FHIT: variants seen among roughly 807,000 people sequenced by gnomAD.
FHIT encodes bis(5'-adenosyl)-triphosphatase.
In FHIT, 19 loss-of-function variants were observed where a neutral mutation model predicts 17.9. The ratio of observed to expected loss-of-function variants is 1.06; its 90% CI spans 0.74 to 1.56. FHIT has a LOEUF of 1.56. FHIT is among the 40% of genes most tolerant of loss of function. FHIT has a pLI of 0.00. For synonymous variants in FHIT, 81 were observed against 69.7 expected (o/e 1.16, Z -0.81); for missense variants, 248 against 189.2 (o/e 1.31, Z -1.82).
At chr3:60,566,790 T>C (rs1030046187) in intron 4 of FHIT, among the ~76,000 whole-genome samples, 3 of 151,180 alleles carry the variant, frequency 2.0e-5, no homozygotes, top group African/African-American at 7.3e-5. Flanking sequence ...TGTGCAAAAA[T>C]CACAAGCATT....
intron 3 of FHIT, among the ~76,000 whole-genome samples, chr3:60,864,404 C>A (rs1057128735): frequency 2.6e-5 from 4 of 152,062 alleles, no homozygotes; most frequent in Admixed American, 6.6e-5. Context: ...ACTTTAGAGC[C>A]CATGGTTTTA....
intron 5 of FHIT, among the ~76,000 whole-genome samples, chr3:60,199,695 T>C (rs561508118): frequency 4.8e-4 from 73 of 152,132 alleles, no homozygotes; most frequent in Non-Finnish European, 1.0e-4. Context: ...ATATTTAAAT[T>C]TCCAGAACAT....
chr3:60,572,081 T>A (rs528401625), intron 4 of FHIT, among the ~76,000 whole-genome samples: 1 of 152,198 alleles, frequency 6.6e-6, no homozygotes, highest in Non-Finnish European at 1.5e-5. Context: ...TTAGAGTCAA[T>A]AGATTCTAAA....
At chr3:60,582,483 A>C (rs2037778789) in intron 4 of FHIT, among the ~76,000 whole-genome samples, 1 of 152,100 alleles carries the variant, frequency 6.6e-6, no homozygotes, top group Non-Finnish European at 1.5e-5. Flanking sequence ...AATTATTTCC[A>C]CTGGAGGGCA....
At chr3:60,198,884 A>G (rs985963483) in intron 5 of FHIT, among the ~76,000 whole-genome samples, 2 of 152,196 alleles carry the variant, frequency 1.3e-5, no homozygotes, top group Non-Finnish European at 2.9e-5. Context: ...TTAATAATCT[A>G]CAACAGTATT....
At chr3:60,815,238 T>C (rs1701698965) in intron 4 of FHIT, among the ~76,000 whole-genome samples, 1 of 152,146 alleles carries the variant, frequency 6.6e-6, no homozygotes. Flanking sequence ...AGCTCTCTGG[T>C]TTGATTAGTC....
intron 4 of FHIT, chr3:60,732,282 G>A: frequency 2.1e-6 from 2 of 935,834 alleles, no homozygotes; most frequent in Admixed American, 3.4e-5. Flanking sequence ...CAACCACTGA[G>A]TCTTGGCAGG....
intron 3 of FHIT, among the ~76,000 whole-genome samples, chr3:60,971,204 C>A (rs1226226995): frequency 6.6e-6 from 1 of 152,072 alleles, no homozygotes; most frequent in African/African-American, 2.4e-5. Flanking sequence ...CCTATCTCTA[C>A]TAAAAAAGTA....
chr3:59,966,810 T>C (rs941139393), intron 7 of FHIT, among the ~76,000 whole-genome samples: 1 of 152,278 alleles, frequency 6.6e-6, no homozygotes, highest in East Asian at 1.9e-4. Flanking sequence ...TACATTTCTA[T>C]AGACTTTCTG....
intron 7 of FHIT, among the ~76,000 whole-genome samples, chr3:59,994,612 G>A (rs993788986): frequency 4.6e-5 from 7 of 152,052 alleles, no homozygotes; most frequent in African/African-American, 1.7e-4. Context: ...CTGCAAACCA[G>A]CCACACATTC....
At chr3:60,182,984 A>T (rs1257532784) in intron 5 of FHIT, among the ~76,000 whole-genome samples, 2 of 152,094 alleles carry the variant, frequency 1.3e-5, no homozygotes, top group Non-Finnish European at 2.9e-5. Flanking sequence ...TCTGTCCATG[A>T]CAACTCCCCC....
At position 59,894,229 on chromosome 3, in the gene FHIT, A is replaced by T. The variant is rs1029920947; in HGVS notation, c.348+28117T>A. ...CACTGTACTCCAGCCTGGGCAACAA[A>T]GTGAGACCCTTTCTCAAAAAACAAA... On this transcript the variant is annotated intron_variant, in intron 8 of 9. Coordinates refer to ENST00000492590, the MANE Select transcript of FHIT (RefSeq NM_002012.4). Among the ~76,000 whole-genome samples the T allele has an allele frequency of 4.6e-5, 7 of 152,306 alleles. 1 individual carries two copies. The highest frequency in any genetic ancestry group is 1.4e-4 in the African/African-American group (6 of 41,568).
chr3:61,102,542 T>G (rs1311743188), intron 2 of FHIT, among the ~76,000 whole-genome samples: 1 of 152,172 alleles, frequency 6.6e-6, no homozygotes, highest in East Asian at 1.9e-4. Flanking sequence ...CTTCCAGGCT[T>G]TGGTATCAGG....
intron 8 of FHIT, among the ~76,000 whole-genome samples, chr3:59,799,180 C>T (rs1215763221): frequency 1.3e-5 from 2 of 152,304 alleles, no homozygotes; most frequent in African/African-American, 4.8e-5. Flanking sequence ...TCTTTGAAGG[C>T]GTACATAGAC....
chr3:60,784,206 G>A (rs554413604), intron 4 of FHIT, among the ~76,000 whole-genome samples: 1 of 152,308 alleles, frequency 6.6e-6, no homozygotes, highest in Admixed American at 6.5e-5. Context: ...TCCACGGGAA[G>A]CCCTGGTGAG....
chr3:60,365,581 A>C (rs1411998462), intron 5 of FHIT, among the ~76,000 whole-genome samples: 2 of 152,170 alleles, frequency 1.3e-5, no homozygotes, highest in Non-Finnish European at 2.9e-5. Context: ...CTCATAACTC[A>C]TTAGTTATTT....
intron 2 of FHIT, among the ~76,000 whole-genome samples, chr3:61,065,189 A>G (rs989358585): frequency 6.6e-6 from 1 of 152,102 alleles, no homozygotes; most frequent in Non-Finnish European, 1.5e-5. Context: ...ATATTCAAGG[A>G]AAGTTTGAGT....
intron 8 of FHIT, among the ~76,000 whole-genome samples, chr3:59,863,075 GAGGAATAGTCCTATCCA>G (rs1559674767): frequency 6.6e-6 from 1 of 152,166 alleles, no homozygotes. Flanking sequence ...AGTCCTATCC[GAGGAATAGTCCTATCCA>G]AGGAATACGG....
At chr3:60,739,534 T>C (rs1336816037) in intron 4 of FHIT, among the ~76,000 whole-genome samples, 1 of 152,220 alleles carries the variant, frequency 6.6e-6, no homozygotes, top group Admixed American at 6.5e-5. Context: ...GGAACTCTTC[T>C]GTTTCATCAA....
Sources: allele counts gnomAD v4.1 joint callset (sites outside exome capture counted in the v4.1 genomes callset), GRCh38; gene constraint gnomAD v4.1.1; transcripts MANE v1.5; gene names NCBI Gene and HGNC (gene_info 2026-07-23, HGNC 2026-07-21).